ACTG1: variants seen among roughly 807,000 people sequenced by gnomAD.
ACTG1 encodes actin, cytoplasmic 2.
In ACTG1, 14 loss-of-function variants were observed where a neutral mutation model predicts 34.3. That is an observed-to-expected ratio of 0.41 (90% confidence interval 0.27 to 0.64). ACTG1 has a LOEUF of 0.64. ACTG1 is among the 30% of genes least tolerant of loss of function. The pLI, the probability that ACTG1 is intolerant of heterozygous loss-of-function variation, is 0.33. For synonymous variants in ACTG1, 422 were observed against 213.9 expected, an observed-to-expected ratio of 1.97 and a Z score of -8.49; for missense variants, 233 against 529.5, an observed-to-expected ratio of 0.44 and a Z score of 5.50.
intron 3 of ACTG1, 90 bp downstream of exon 3, chr17:81,511,813 C>G (rs782381475): frequency 6.3e-7 from 1 of 1,599,272 alleles, no homozygotes. Context: ...CCTGGAACAG[C>G]GAAAGAAACA....
In ACTG1 at chr17:81,511,459, A is replaced by G. The variant is rs143851458; in HGVS notation, c.531T>C (p.Arg177=). 1.5e-3 allele frequency: 2,442 copies of G among 1,613,908 alleles called. 3 individuals are homozygous for G. Among genetic ancestry groups the G allele is most frequent in the Middle Eastern group, 2.5e-3 (15 of 6,062 alleles). ...EGYALPHAIL[R]LDLAGRDLTD... ...TCAGGTCCCGGCCAGCCAGGTCCAG[A>G]CGCAGGATGGCGTGGGGGAGGGCGT... The change falls in exon 4 of 6, where the codon CGT becomes CGC. Residue 177 remains arginine (R), a synonymous_variant. Transcript: ENST00000573283.
rs781846508 is a variant in ACTG1, at chr17:81,510,668, G to A, written c.*22C>T. On this transcript the variant is annotated 3_prime_UTR_variant, in exon 6 of 6. Coordinates refer to ENST00000573283, the MANE Select transcript of ACTG1 (RefSeq NM_001614.5). ...TTCTCAATTAACCCATGCAGCAAATGCTACGCATCTGCTGAGTCCGTTTAG... is the reference window on the plus strand; with the variant it reads ...TTCTCAATTAACCCATGCAGCAAATACTACGCATCTGCTGAGTCCGTTTAG... 4.3e-6 allele frequency: 7 copies of A among 1,613,556 alleles called. No individual in the cohort carries two copies. The South Asian group carries it at 5.5e-5, about 13-fold the overall frequency.
At chr17:81,511,147 C>T (rs1451362313) in intron 4 of ACTG1, 39 bp from the exon 5 acceptor site, 18 of 1,613,742 alleles carry the variant, frequency 1.1e-5, no homozygotes, top group Admixed American at 1.0e-4. Context: ...GCTGTGTCAC[C>T]GAGGATGTAA....
intron 1 of ACTG1, 54 bp from the exon 2 acceptor site, chr17:81,512,414 C>T (rs1222394749): frequency 3.1e-6 from 5 of 1,613,232 alleles, no homozygotes; most frequent in Non-Finnish European, 4.2e-6. Flanking sequence ...GGTCCCCTCC[C>T]CACAGCCACC....
chr17:81,510,874 C>T (rs781930396), intron 5 of ACTG1, 41 bp from the exon 6 acceptor site: 2 of 1,540,772 alleles, frequency 1.3e-6, no homozygotes, highest in South Asian at 2.3e-5. Context: ...CACAGAGCGC[C>T]CCCCAGTCAG....
chr17:81,510,219 G>A lies in ACTG1; in HGVS notation c.*471C>T, dbSNP rs1356845213. On this transcript the variant is annotated 3_prime_UTR_variant, in exon 6 of 6. Transcript: ENST00000573283. ...AAGACATCAGCTAAGAAAGGAAACT[G>A]GGTCCTACGGCTTGGACTTTCCAAC... is the stretch of plus-strand genomic sequence containing the variant. 3.9e-6 allele frequency: 2 copies of A among 507,986 alleles called. No individual in the cohort carries two copies. Among genetic ancestry groups the A allele is most frequent in the South Asian group, 3.1e-5 (2 of 64,464 alleles). 31.5% of individuals were successfully genotyped at this position (507,986 alleles called of 1,614,324 possible).
chr17:81,511,864 G>GA (rs1568062250), intron 3 of ACTG1, 39 bp downstream of exon 3: 7 of 1,612,730 alleles, frequency 4.3e-6, no homozygotes, highest in Non-Finnish European at 5.9e-6. Context: ...AATGACTGGG[G>GA]AAAGGACGGG....
At chr17:81,511,875 AG>A (rs1555667010) in intron 3 of ACTG1, 27 bp downstream of exon 3, 1 of 1,613,836 alleles carries the variant, frequency 6.2e-7, no homozygotes, top group Non-Finnish European at 8.5e-7. Flanking sequence ...AAAGGACGGG[AG>A]GAGCACGGGC....
rs1375357025 is a variant in ACTG1 at position 81,510,302 on chromosome 17, G to C, written c.*388C>G. On this transcript the variant is annotated 3_prime_UTR_variant, in exon 6 of 6. Transcript: ENST00000573283. ...CTTGCCAGCCTCTAGAGAAATCCCA[G>C]AACACTCAGCCCTGACACGTTAATA... is the stretch of plus-strand genomic sequence containing the variant. 2 of 467,218 alleles carry C rather than the reference G, an allele frequency of 4.3e-6. No homozygotes were observed. Among genetic ancestry groups the C allele is most frequent in the Admixed American group, 2.7e-5 (1 of 36,814 alleles). 28.9% of individuals were successfully genotyped at this position (467,218 alleles called of 1,614,324 possible).
rs570840370 is a variant in ACTG1, at chr17:81,510,216, A to G, written c.*474T>C. On this transcript the variant is annotated 3_prime_UTR_variant, in exon 6 of 6. Transcript: ENST00000573283. ...CCAAAGACATCAGCTAAGAAAGGAA[A>G]CTGGGTCCTACGGCTTGGACTTTCC... 3.5e-5 allele frequency: 18 copies of G among 508,206 alleles called. No individual in the cohort carries two copies. The highest frequency in any genetic ancestry group is 2.2e-4 in the African/African-American group (11 of 51,012). 31.5% of individuals were successfully genotyped at this position (508,206 alleles called of 1,614,324 possible).
At position 81,510,408 on chromosome 17, in the gene ACTG1, G is replaced by C. The variant is rs193006971; in HGVS notation, c.*282C>G. The C allele has an allele frequency of 1.9e-6, 1 of 539,102 alleles. No individual in the cohort carries two copies. The highest frequency in any genetic ancestry group is 3.4e-6 in the Non-Finnish European group (1 of 290,988). 33.4% of individuals were successfully genotyped at this position (539,102 alleles called of 1,614,324 possible). Reference sequence around the variant, plus strand: ...CTTCCACAAGCACGTTCTTACCTTAGCCACGAAGTGACCAAGCCACACGTA... The same window carrying C: ...CTTCCACAAGCACGTTCTTACCTTACCCACGAAGTGACCAAGCCACACGTA... On this transcript the variant is annotated 3_prime_UTR_variant, in exon 6 of 6. Coordinates refer to ENST00000573283, the MANE Select transcript of ACTG1 (RefSeq NM_001614.5).
At position 81,510,579 on chromosome 17, in the gene ACTG1, A is replaced by AAGGCTTATTCCAGTTTCGT. The variant is rs1555666257; in HGVS notation, c.*92_*110dup. The AAGGCTTATTCCAGTTTCGT allele has an allele frequency of 2.2e-6, 3 of 1,385,866 alleles. No individual in the cohort carries two copies. In the African/African-American group the frequency reaches 4.3e-5, roughly 20 times the overall value. The allele number at this position is 1,385,866 out of a possible 1,614,324, so 85.8% of individuals were successfully genotyped here. On this transcript the variant is annotated 3_prime_UTR_variant, in exon 6 of 6. Transcript: ENST00000573283. ...AAGCTTCAAGGACAATTTCTTTTCG[A>AAGGCTTATTCCAGTTTCGT]AGGCTTATTCCAGTTTCGTGAGGCT...
Position 81,511,728 on chromosome 17 carries a change from A to G in ACTG1, c.364-102T>C, listed in dbSNP as rs1299513752. The G allele has an allele frequency of 5.9e-6, 9 of 1,519,378 alleles. No homozygotes were observed. The East Asian group carries it at 1.1e-4, about 19-fold the overall frequency. The allele number at this position is 1,519,378 out of a possible 1,614,324, so 94.1% of individuals were successfully genotyped here. Reference sequence around the variant, plus strand: ...GCATGCCAGTGTGATGTGTGGAGAAAAGAAAAGAACGCAGGCAGAAACCAA... The same window carrying G: ...GCATGCCAGTGTGATGTGTGGAGAAGAGAAAAGAACGCAGGCAGAAACCAA... On this transcript the variant is annotated intron_variant, in intron 3 of 5. Coordinates refer to ENST00000573283, the MANE Select transcript of ACTG1 (RefSeq NM_001614.5).
intron 3 of ACTG1, 85 bp downstream of exon 3, chr17:81,511,818 G>T (rs143884334): frequency 3.1e-5 from 50 of 1,602,614 alleles, no homozygotes; most frequent in South Asian, 5.5e-5. Flanking sequence ...AACAGCGAAA[G>T]AAACACTTAA....
intron 3 of ACTG1, 102 bp downstream of exon 3, chr17:81,511,801 A>C (rs1410117970): frequency 6.3e-7 from 1 of 1,589,890 alleles, no homozygotes; most frequent in African/African-American, 1.3e-5. Context: ...AGAGGAACAG[A>C]GCCTGGAACA....
At chr17:81,512,688 C>A (rs2031895106) in intron 1 of ACTG1, 46 bp downstream of exon 1, 2 of 397,670 alleles carry the variant, frequency 5.0e-6, no homozygotes, top group Admixed American at 3.8e-5. Flanking sequence ...GGTCGGGGGG[C>A]GCAGGCCTGC....
Position 81,511,903 on chromosome 17 carries a change from C to G in ACTG1, c.363G>C (p.Gln121His), listed in dbSNP as rs1555667038. The change falls in exon 3 of 6, where the codon CAG (glutamine) becomes CAC (histidine). Residue 121 changes from glutamine to histidine, a missense_variant and splice_region_variant. Transcript: ENST00000573283. ...AGCACGGGCGTCGGCCGAGCCTCAC[C>G]TGAGTCATCTTCTCTCTGTTGGCCT... The part of the protein sequence containing the change: ...NPKANREKMT[Q>H]IMFETFNTPA... The G allele has an allele frequency of 6.2e-7, 1 of 1,614,144 alleles. No homozygotes were observed. The highest frequency in any genetic ancestry group is 1.7e-5 in the Admixed American group (1 of 60,016).
chr17:81,510,854 G>A lies in ACTG1; in HGVS notation c.985-21C>T, dbSNP rs782474397. On this transcript the variant is annotated intron_variant, in intron 5 of 5. Coordinates refer to ENST00000573283, the MANE Select transcript of ACTG1 (RefSeq NM_001614.5). ...ATGATCTGCAAAGACAGCCAGGCACGGCTTCAGCTCACAGAGCGCCCCCCA... is the reference window on the plus strand; with the variant it reads ...ATGATCTGCAAAGACAGCCAGGCACAGCTTCAGCTCACAGAGCGCCCCCCA... 1.9e-5 allele frequency: 30 copies of A among 1,607,226 alleles called. 1 individual carries two copies. The East Asian group carries it at 2.5e-4, about 14-fold the overall frequency.
Position 81,510,351 on chromosome 17 carries a change from GGCCACACAGACTCACCAA to G in ACTG1, c.*321_*338del, listed in dbSNP as rs2031679954. On this transcript the variant is annotated 3_prime_UTR_variant, in exon 6 of 6. Coordinates refer to ENST00000573283, the MANE Select transcript of ACTG1 (RefSeq NM_001614.5). The stretch of plus-strand genomic sequence containing the variant: ...TACCCTGCACAGATCAGAGGCTGCT[GGCCACACAGACTCACCAA>G]GCCACAGACTTGTCTTCCACAAGCA... 2.2e-6 allele frequency: 1 copy of G among 449,392 alleles called. No individual in the cohort carries two copies. The highest frequency in any genetic ancestry group is 1.8e-5 in the South Asian group (1 of 55,374). The allele number at this position is 449,392 out of a possible 1,614,324, so 27.8% of individuals were successfully genotyped here. A position where few individuals can be genotyped will look rare whatever the true frequency, so the allele number is the denominator to read the frequency against.
Sources: gnomAD v4.1 joint callset for allele counts on GRCh38, gnomAD v4.1.1 for gene constraint, MANE v1.5 for transcripts, NCBI Gene and HGNC (gene_info 2026-07-23, HGNC 2026-07-21) for gene names.